Variants in PTPRN2 observed in about 807,000 individuals in gnomAD.
PTPRN2 encodes the protein protein tyrosine phosphatase receptor type N2, also known as receptor-type tyrosine-protein phosphatase N2.
PTPRN2 carries 74 observed loss-of-function variants against 118.8 expected under a neutral mutation model. The ratio of observed to expected loss-of-function variants is 0.62; its 90% CI spans 0.52 to 0.76. PTPRN2 has a LOEUF of 0.76. PTPRN2 is among the 30% of genes least tolerant of loss of function. The pLI is 0.00. For synonymous variants in PTPRN2, 641 were observed against 608.0 expected (o/e 1.05, Z -0.80); for missense variants, 1,481 against 1,394.4 (o/e 1.06, Z -0.99).
At chr7:158,298,497 C>G (rs931803153) in intron 3 of PTPRN2, among the ~76,000 whole-genome samples, 1 of 152,124 alleles carries the variant, frequency 6.6e-6, no homozygotes, top group Admixed American at 6.5e-5. Context: ...TTCCTTATAC[C>G]TTATATAGAA....
At chr7:158,152,188 A>AAAAAAC in intron 6 of PTPRN2, among the ~76,000 whole-genome samples, 2 of 151,322 alleles carry the variant, frequency 1.3e-5, no homozygotes, top group Non-Finnish European at 1.5e-5. Context: ...AAAAAAAAAA[A>AAAAAAC]AAACCATGAA....
At chr7:157,992,751 G>C (rs1344264828) in intron 11 of PTPRN2, among the ~76,000 whole-genome samples, 1 of 152,242 alleles carries the variant, frequency 6.6e-6, no homozygotes, top group Non-Finnish European at 1.5e-5. Flanking sequence ...CCACAGGACA[G>C]CCGAGCTTGT....
At chr7:157,839,132 A>G (rs1218153480) in intron 12 of PTPRN2, among the ~76,000 whole-genome samples, 1 of 152,088 alleles carries the variant, frequency 6.6e-6, no homozygotes, top group East Asian at 1.9e-4. Flanking sequence ...CTCTGATTCC[A>G]TCCTCTAAAA....
At position 157,621,516 on chromosome 7, in the gene PTPRN2, G is replaced by A. The variant is rs1046598912; in HGVS notation, c.2197-7C>T. 2 of 1,611,662 alleles carry A rather than the reference G, an allele frequency of 1.2e-6. No individual in the cohort carries two copies. The highest frequency in any genetic ancestry group is 1.7e-6 in the Non-Finnish European group (2 of 1,180,024). ...GGTGGTCCTCCATGTAGGACTGAAAGGGAAACACAGGGTCAGGAGCGCACC... is the reference window on the plus strand; with the variant it reads ...GGTGGTCCTCCATGTAGGACTGAAAAGGAAACACAGGGTCAGGAGCGCACC... On this transcript the variant is annotated splice_polypyrimidine_tract_variant and splice_region_variant and intron_variant, in intron 14 of 22. Transcript: ENST00000389418.
chr7:158,018,642 C>T (rs73169774), intron 11 of PTPRN2, among the ~76,000 whole-genome samples: 7,392 of 152,136 alleles, frequency 0.049, 246 homozygotes, highest in Admixed American at 0.084. Context: ...CCTAACCAAA[C>T]GTTCAGTTTG....
At chr7:158,543,367 TCCCAGCAGGGCTGTG>T (rs1303409868) in intron 1 of PTPRN2, among the ~76,000 whole-genome samples, 4 of 152,214 alleles carry the variant, frequency 2.6e-5, no homozygotes, top group African/African-American at 9.7e-5. Flanking sequence ...CGCCGGCTGT[TCCCAGCAGGGCTGTG>T]CCCCTCTAGT....
chr7:158,337,720 G>A (rs1227640694), intron 2 of PTPRN2, among the ~76,000 whole-genome samples: 64 of 147,438 alleles, frequency 4.3e-4, no homozygotes, highest in African/African-American at 9.7e-4. Context: ...GCTGACGCCC[G>A]CAGACGTCAC....
At chr7:157,979,522 CAT>C (rs1277001094) in intron 11 of PTPRN2, among the ~76,000 whole-genome samples, 1 of 152,236 alleles carries the variant, frequency 6.6e-6, no homozygotes, top group African/African-American at 2.4e-5. Flanking sequence ...ACATTTAACA[CAT>C]GACAGTCCTC....
intron 12 of PTPRN2, among the ~76,000 whole-genome samples, chr7:157,720,230 T>C (rs1351591504): frequency 6.6e-6 from 1 of 152,130 alleles, no homozygotes; most frequent in Non-Finnish European, 1.5e-5. Flanking sequence ...TCTTGGCTTA[T>C]CATGGAACTG....
At chr7:158,352,232 C>A in intron 2 of PTPRN2, among the ~76,000 whole-genome samples, 1 of 31,078 alleles carries the variant, frequency 3.2e-5, no homozygotes, top group African/African-American at 1.8e-4. Context: ...CTCCTGTCCG[C>A]TCCCCTCCTG....
chr7:157,571,141 G>T (rs914074451), intron 20 of PTPRN2, among the ~76,000 whole-genome samples: 18 of 151,520 alleles, frequency 1.2e-4, no homozygotes, highest in Non-Finnish European at 2.2e-4. Context: ...ATCCCGGGAG[G>T]TGGAGGTTGC....
intron 11 of PTPRN2, among the ~76,000 whole-genome samples, chr7:158,061,172 A>C (rs542123386): frequency 6.6e-6 from 1 of 152,362 alleles, no homozygotes; most frequent in African/African-American, 2.4e-5. Flanking sequence ...GACTGATTAC[A>C]ATCATTTGTT....
intron 12 of PTPRN2, among the ~76,000 whole-genome samples, chr7:157,827,087 ATC>A (rs1807225637): frequency 6.6e-6 from 1 of 152,138 alleles, no homozygotes; most frequent in East Asian, 1.9e-4. Context: ...ACTGCCAGAC[ATC>A]TGAAGTTACT....
intron 1 of PTPRN2, among the ~76,000 whole-genome samples, chr7:158,524,722 A>G (rs73729670): frequency 0.034 from 5,152 of 152,216 alleles, 296 homozygotes; most frequent in African/African-American, 0.12. Context: ...CTCAGCATGG[A>G]GTGGGGATTG....
At chr7:158,113,174 A>G (rs1275963553) in intron 9 of PTPRN2, among the ~76,000 whole-genome samples, 1 of 152,116 alleles carries the variant, frequency 6.6e-6, no homozygotes, top group Non-Finnish European at 1.5e-5. Flanking sequence ...AGATTGGTCC[A>G]GAGAGATGAG....
At chr7:158,458,544 G>GC (rs1818710244) in intron 2 of PTPRN2, among the ~76,000 whole-genome samples, 2 of 152,012 alleles carry the variant, frequency 1.3e-5, no homozygotes, top group Non-Finnish European at 2.9e-5. Context: ...CCACCCAACA[G>GC]CCCCATGATG....
intron 2 of PTPRN2, among the ~76,000 whole-genome samples, chr7:158,395,168 G>A (rs1812248491): frequency 6.6e-6 from 1 of 151,942 alleles, no homozygotes; most frequent in Non-Finnish European, 1.5e-5. Context: ...GGAGCCTCCG[G>A]AGTCTGGGGT....
In PTPRN2 at chr7:157,801,675, G is replaced by A. The variant is rs1433715936; in HGVS notation, c.1788+96998C>T. Among the ~76,000 whole-genome samples, 5 of 152,178 alleles carry A rather than the reference G, an allele frequency of 3.3e-5. No individual in the cohort carries two copies. The highest frequency in any genetic ancestry group is 7.2e-5 in the African/African-American group (3 of 41,452). On this transcript the variant is annotated intron_variant, in intron 12 of 22. Coordinates refer to ENST00000389418, the MANE Select transcript of PTPRN2 (RefSeq NM_002847.5). The surrounding 1 kb of genome is among the most constrained non-coding windows in gnomAD (Gnocchi z 4.2). ...CTCTAGGGAAAAATTTGATGGGCAC[G>A]CTATGATTTATTGCCAAATGATATT...
chr7:157,750,201 T>C (rs1466774401), intron 12 of PTPRN2, among the ~76,000 whole-genome samples: 1 of 152,190 alleles, frequency 6.6e-6, no homozygotes, highest in Non-Finnish European at 1.5e-5. Context: ...TTTTATTATA[T>C]CATCTTTTAG....
Sources: gnomAD v4.1 joint callset for allele counts (sites outside exome capture counted in the v4.1 genomes callset) on GRCh38, gnomAD v4.1.1 for gene constraint, Gnocchi (gnomAD v3.1) non-coding constraint, MANE v1.5 for transcripts, NCBI Gene and HGNC (gene_info 2026-07-23, HGNC 2026-07-21) for gene names.